ACYP2: variants seen among roughly 807,000 people sequenced by gnomAD.
ACYP2 encodes the protein acylphosphatase-2.
A neutral mutation model predicts 11.2 loss-of-function variants in ACYP2; 12 were observed. The observed-to-expected ratio is 1.08, with a 90% CI of 0.69 to 1.74. The LOEUF (loss-of-function observed/expected upper bound fraction) is 1.74, where lower values mean the gene tolerates loss of function less well. Ranked by LOEUF, ACYP2 falls within the 40% of genes most tolerant of loss-of-function variation. ACYP2 has a pLI of 0.00. For synonymous variants in ACYP2, 43 were observed against 32.2 expected (o/e 1.33, Z -1.13); for missense variants, 134 against 101.9 (o/e 1.31, Z -1.35).
intron 6 of ACYP2, chr2:54,267,233 A>G (rs865816): frequency 0.99 from 1,500,413 of 1,521,108 alleles, 740,074 homozygotes; most frequent in East Asian, 1. Flanking sequence ...GGCACAAAGA[A>G]GCTCCCAATA....
At chr2:54,161,610 A>G (rs1176766592) in intron 6 of ACYP2, among the ~76,000 whole-genome samples, 3 of 152,196 alleles carry the variant, frequency 2.0e-5, no homozygotes, top group Non-Finnish European at 4.4e-5. Context: ...CTAACTTTTT[A>G]ATGATTTGCC....
At chr2:54,157,994 A>C (rs1682510347) in intron 6 of ACYP2, among the ~76,000 whole-genome samples, 2 of 152,030 alleles carry the variant, frequency 1.3e-5, no homozygotes, top group South Asian at 4.2e-4. Flanking sequence ...AAACCAACTA[A>C]AAGTTGGCCT....
At chr2:53,979,939 G>A (rs1450472655) in intron 2 of ACYP2, among the ~76,000 whole-genome samples, 1 of 152,032 alleles carries the variant, frequency 6.6e-6, no homozygotes, top group Non-Finnish European at 1.5e-5. Context: ...TGATCCACCC[G>A]CCTTGGCCTC....
At chr2:54,238,876 CA>C (rs1360974005) in intron 6 of ACYP2, among the ~76,000 whole-genome samples, 1 of 151,256 alleles carries the variant, frequency 6.6e-6, no homozygotes, top group South Asian at 2.1e-4. Flanking sequence ...CTACCAACCA[CA>C]AAAAAATAGG....
chr2:54,031,694 T>A (rs997621975), intron 2 of ACYP2, among the ~76,000 whole-genome samples: 5 of 152,198 alleles, frequency 3.3e-5, no homozygotes, highest in Non-Finnish European at 5.9e-5. Context: ...CCCTGAGGAA[T>A]CGCCACACTG....
Position 54,102,638 on chromosome 2 carries a change from C to CAAAAAAAAAAAAA in ACYP2, c.278-32791_278-32779dup, listed in dbSNP as rs58842257. Among the ~76,000 whole-genome samples, 45 of 83,296 alleles carry CAAAAAAAAAAAAA rather than the reference C, an allele frequency of 5.4e-4. 11 individuals carry two copies. Among genetic ancestry groups the CAAAAAAAAAAAAA allele is most frequent in the Non-Finnish European group, 7.2e-4 (31 of 43,294 alleles). 54.6% of individuals were successfully genotyped at this position (83,296 alleles called of 152,430 possible). On this transcript the variant is annotated intron_variant, in intron 4 of 6. Transcript: ENST00000607452. ...AAACCCAATTTAAGCTGGCTTAAGC[C>CAAAAAAAAAAAAA]AAAAAAAAAAAAAAAAAAAAAAAAA...
intron 2 of ACYP2, among the ~76,000 whole-genome samples, chr2:54,040,291 T>G (rs1297058518): frequency 1.3e-5 from 2 of 151,938 alleles, no homozygotes; most frequent in Non-Finnish European, 2.9e-5. Context: ...CAGGATTTGG[T>G]GGTAGGGCAG....
intron 6 of ACYP2, among the ~76,000 whole-genome samples, chr2:54,250,153 T>A (rs1046381372): frequency 6.6e-6 from 1 of 152,066 alleles, no homozygotes; most frequent in East Asian, 1.9e-4. Flanking sequence ...TAAACCGGAT[T>A]AAATTTGAAT....
intron 2 of ACYP2, among the ~76,000 whole-genome samples, chr2:54,004,072 C>T (rs1332235797): frequency 1.3e-5 from 2 of 152,128 alleles, no homozygotes; most frequent in Non-Finnish European, 1.5e-5. Context: ...TAACCTCTGC[C>T]TCCCAGGTTG....
At chr2:54,001,752 G>T (rs1672814358) in intron 2 of ACYP2, among the ~76,000 whole-genome samples, 2 of 152,220 alleles carry the variant, frequency 1.3e-5, no homozygotes, top group African/African-American at 4.8e-5. Flanking sequence ...TTTGGGGTAA[G>T]GCCCAAGTAT....
chr2:54,272,165 T>C (rs1688334237), intron 6 of ACYP2, among the ~76,000 whole-genome samples: 1 of 152,188 alleles, frequency 6.6e-6, no homozygotes, highest in Non-Finnish European at 1.5e-5. Flanking sequence ...TTATTAAATA[T>C]CAGTGTTGAG....
intron 6 of ACYP2, chr2:54,141,932 G>C (rs901384618): frequency 2.0e-5 from 12 of 597,730 alleles, no homozygotes; most frequent in Non-Finnish European, 3.4e-5. Flanking sequence ...TGACCTTCTG[G>C]GCTCAAGTGA....
At chr2:54,165,978 C>A (rs1465867437) in intron 6 of ACYP2, among the ~76,000 whole-genome samples, 1 of 152,174 alleles carries the variant, frequency 6.6e-6, no homozygotes, top group African/African-American at 2.4e-5. Context: ...CTTAATCCAC[C>A]AAAACACACA....
intron 2 of ACYP2, among the ~76,000 whole-genome samples, chr2:54,049,817 T>G (rs1469807972): frequency 6.6e-6 from 1 of 152,252 alleles, no homozygotes; most frequent in Non-Finnish European, 1.5e-5. Context: ...TCTTGTTTTC[T>G]GAGCAATTCC....
At chr2:54,040,936 A>T (rs1210934643) in intron 2 of ACYP2, among the ~76,000 whole-genome samples, 2 of 152,196 alleles carry the variant, frequency 1.3e-5, no homozygotes, top group African/African-American at 4.8e-5. Flanking sequence ...AATAGTGTTC[A>T]TAGATAGGTG....
intron 6 of ACYP2, among the ~76,000 whole-genome samples, chr2:54,192,239 G>C (rs1445380504): frequency 6.6e-6 from 1 of 152,054 alleles, no homozygotes; most frequent in African/African-American, 2.4e-5. Context: ...TCCTGTATCT[G>C]AAAGTATGTC....
chr2:54,111,850 T>C (rs1005828411), intron 4 of ACYP2, among the ~76,000 whole-genome samples: 46 of 152,328 alleles, frequency 3.0e-4, no homozygotes, highest in African/African-American at 1.0e-3. Flanking sequence ...CATATCTTAA[T>C]ATCAAATTTC....
At chr2:54,228,826 G>C (rs996235811) in intron 6 of ACYP2, among the ~76,000 whole-genome samples, 3 of 152,118 alleles carry the variant, frequency 2.0e-5, no homozygotes, top group Non-Finnish European at 4.4e-5. Context: ...ATAACCAGGG[G>C]ACTGAGACTT....
At chr2:54,123,856 C>G (rs1680301182) in intron 4 of ACYP2, among the ~76,000 whole-genome samples, 1 of 152,110 alleles carries the variant, frequency 6.6e-6, no homozygotes, top group Admixed American at 6.6e-5. Flanking sequence ...TCTTGAAAGT[C>G]CCAACCAGTG....
Sources: gnomAD v4.1 joint callset for allele counts (sites outside exome capture counted in the v4.1 genomes callset) on GRCh38, gnomAD v4.1.1 for gene constraint, MANE v1.5 for transcripts, NCBI Gene and HGNC (gene_info 2026-07-23, HGNC 2026-07-21) for gene names.